PCDHGA2: variants seen among roughly 807,000 people sequenced by gnomAD.
The protein encoded by PCDHGA2 is protocadherin gamma-A2.
PCDHGA2 carries 40 observed loss-of-function variants against 59.2 expected under a neutral mutation model. The ratio of observed to expected loss-of-function variants is 0.68; its 90% CI spans 0.52 to 0.88. The LOEUF (loss-of-function observed/expected upper bound fraction) is 0.88, where lower values mean the gene tolerates loss of function less well. PCDHGA2 is among the 40% of genes least tolerant of loss of function. The pLI, the probability that PCDHGA2 is intolerant of heterozygous loss-of-function variation, is 0.00. For missense variants in PCDHGA2, 1,226 were observed against 1,204.0 expected (o/e 1.02, Z -0.27); for synonymous variants, 560 against 526.0 (o/e 1.06, Z -0.89).
chr5:141,500,894 C>G (rs1221911920), intron 2 of PCDHGA2, among the ~76,000 whole-genome samples: 1 of 150,982 alleles, frequency 6.6e-6, no homozygotes, highest in African/African-American at 2.4e-5. Flanking sequence ...TTTTTTGAGA[C>G]AGTCTCGCTC....
chr5:141,477,890 C>T lies in PCDHGA2; in HGVS notation c.2425-16917C>T, dbSNP rs202114426. ...TACCTCAGCTGGCCACCTAGTGTCA[C>T]GGGTGGTAGGCTGGGACGCGGATGC... is the stretch of plus-strand genomic sequence containing the variant. On this transcript the variant is annotated intron_variant, in intron 1 of 3. Coordinates refer to ENST00000394576, the MANE Select transcript of PCDHGA2 (RefSeq NM_018915.4). This position sits in a 1 kb window ranked among gnomAD's most constrained non-coding sequence, Gnocchi z 4.9. 9.9e-6 allele frequency: 16 copies of T among 1,614,086 alleles called. No individual in the cohort carries two copies. Among genetic ancestry groups the T allele is most frequent in the Admixed American group, 1.7e-5 (1 of 60,006 alleles).
chr5:141,475,862 T>G, intron 1 of PCDHGA2: 1 of 492,756 alleles, frequency 2.0e-6, no homozygotes, highest in Non-Finnish European at 3.6e-6. Context: ...GCTAGCTCAT[T>G]CTTCGTGCAG....
rs761668802 is a variant in PCDHGA2, at chr5:141,362,348, G to C, written c.2424+20953G>C. ...GGTCTCAGCTCCAAGCCTGGACCTG[G>C]GGTTCTCCCCAATTACAGTGAGGGT... On this transcript the variant is annotated intron_variant, in intron 1 of 3. Transcript: ENST00000394576. 12 of 1,613,904 alleles carry C rather than the reference G, an allele frequency of 7.4e-6. No homozygotes were observed. The highest frequency in any genetic ancestry group is 1.3e-5 in the African/African-American group (1 of 74,934).
chr5:141,510,280 A>G (rs1218058358), intron 3 of PCDHGA2, among the ~76,000 whole-genome samples: 1 of 151,892 alleles, frequency 6.6e-6, no homozygotes, highest in Non-Finnish European at 1.5e-5. Context: ...CTTAAAAAAA[A>G]AAAAAAAAAA....
chr5:141,364,239 T>G (rs1763233017), intron 1 of PCDHGA2: 2 of 1,440,110 alleles, frequency 1.4e-6, no homozygotes, highest in African/African-American at 2.9e-5. Context: ...CACGCCCATT[T>G]TCGTCAGGGA....
At chr5:141,389,449 A>C in intron 1 of PCDHGA2, 2 of 1,610,538 alleles carry the variant, frequency 1.2e-6, no homozygotes, top group Non-Finnish European at 1.7e-6. Context: ...GACCACGAGC[A>C]GCTGCGCGCC....
At chr5:141,460,043 A>G (rs527752346) in intron 1 of PCDHGA2, among the ~76,000 whole-genome samples, 1 of 152,276 alleles carries the variant, frequency 6.6e-6, no homozygotes, top group South Asian at 2.1e-4. Context: ...GCACCACTGC[A>G]CTCCAGCCTG....
chr5:141,370,283 A>G (rs1275076013), intron 1 of PCDHGA2: 2 of 944,824 alleles, frequency 2.1e-6, no homozygotes, highest in Non-Finnish European at 3.1e-6. Flanking sequence ...CACCCATTAG[A>G]GAACCCAAGC....
At chr5:141,415,504 C>A in intron 1 of PCDHGA2, 2 of 1,614,216 alleles carry the variant, frequency 1.2e-6, no homozygotes, top group Non-Finnish European at 1.7e-6. Context: ...CTTCCCCCAG[C>A]CCAATTATGC....
At chr5:141,428,010 G>A in intron 1 of PCDHGA2, 1 of 1,603,006 alleles carries the variant, frequency 6.2e-7, no homozygotes, top group Non-Finnish European at 8.5e-7. Flanking sequence ...CTTCGATATA[G>A]TGCCACGCGC....
intron 1 of PCDHGA2, chr5:141,419,537 C>G (rs368875631): frequency 1.2e-6 from 2 of 1,612,040 alleles, no homozygotes; most frequent in Non-Finnish European, 1.7e-6. Flanking sequence ...CGACAACGCA[C>G]CGCGGGTGCT....
chr5:141,486,287 A>G lies in PCDHGA2; in HGVS notation c.2425-8520A>G, dbSNP rs1484787777. Reference sequence around the variant, plus strand: ...AGAACCTGGCACTGTGGTGGCACTTATCAGTGTGCAGGATCCAGACTCAGG... The same window carrying G: ...AGAACCTGGCACTGTGGTGGCACTTGTCAGTGTGCAGGATCCAGACTCAGG... On this transcript the variant is annotated intron_variant, in intron 1 of 3. Transcript: ENST00000394576. The surrounding 1 kb of genome is among the most constrained non-coding windows in gnomAD (Gnocchi z 5.0). 1 of 1,613,912 alleles carries G rather than the reference A, an allele frequency of 6.2e-7. No homozygotes were observed. The highest frequency in any genetic ancestry group is 8.5e-7 in the Non-Finnish European group (1 of 1,179,970).
intron 1 of PCDHGA2, chr5:141,414,687 T>G: frequency 1.2e-6 from 2 of 1,614,004 alleles, no homozygotes; most frequent in East Asian, 4.5e-5. Flanking sequence ...AGGGGGTACC[T>G]CTGTCCTCAT....
intron 1 of PCDHGA2, chr5:141,389,608 T>C (rs1458951980): frequency 1.9e-6 from 3 of 1,613,138 alleles, no homozygotes; most frequent in East Asian, 2.2e-5. Context: ...CTCTTCGATA[T>C]GGTGCCGCAC....
rs2093964070 is a variant in PCDHGA2, at chr5:141,400,115, G to A, written c.2424+58720G>A. On this transcript the variant is annotated intron_variant, in intron 1 of 3. Coordinates refer to ENST00000394576, the MANE Select transcript of PCDHGA2 (RefSeq NM_018915.4). ...ACGCTGCACTTGGTCTTTGCTGACA[G>A]CTTGCAGGAGGTGCTGCCGGATATC... The A allele has an allele frequency of 1.9e-6, 3 of 1,613,966 alleles. No individual in the cohort carries two copies. The African/African-American group carries it at 4.0e-5, about 22-fold the overall frequency.
intron 1 of PCDHGA2, among the ~76,000 whole-genome samples, chr5:141,363,621 C>G (rs1384917674): frequency 1.3e-5 from 2 of 152,216 alleles, no homozygotes; most frequent in African/African-American, 4.8e-5. Context: ...AGTGGAGAGA[C>G]TTTCTCAAAG....
At chr5:141,352,480 C>A (rs973074211) in intron 1 of PCDHGA2, 3 of 1,614,012 alleles carry the variant, frequency 1.9e-6, no homozygotes, top group Non-Finnish European at 2.5e-6. Context: ...CCAACCACAG[C>A]GAGGGGACTT....
At position 141,477,626 on chromosome 5, in the gene PCDHGA2, G is replaced by A. The variant is rs201987467; in HGVS notation, c.2425-17181G>A. The A allele has an allele frequency of 1.9e-5, 31 of 1,614,052 alleles. No individual in the cohort carries two copies. The highest frequency in any genetic ancestry group is 2.5e-5 in the Non-Finnish European group (30 of 1,180,044). Reference sequence around the variant, plus strand: ...TCTCTTGGAGCAAGGAGCTGAAACCGGGCTAGTGGGTCGCTATTTCACAAT... The same window carrying A: ...TCTCTTGGAGCAAGGAGCTGAAACCAGGCTAGTGGGTCGCTATTTCACAAT... On this transcript the variant is annotated intron_variant, in intron 1 of 3. Transcript: ENST00000394576. This position sits in a 1 kb window ranked among gnomAD's most constrained non-coding sequence, Gnocchi z 4.9.
Position 141,340,294 on chromosome 5 carries a change from G to C in PCDHGA2, c.1323G>C (p.Gln441His). The C allele has an allele frequency of 6.2e-7, 1 of 1,614,156 alleles. No individual in the cohort carries two copies. The highest frequency in any genetic ancestry group is 8.5e-7 in the Non-Finnish European group (1 of 1,180,036). The stretch of plus-strand genomic sequence containing the variant: ...CCACGGATGCTCACATTTTGCTCCA[G>C]GTGGCAGACATCAACGACAACGCAC... ...SLSTDAHILLQVADINDNAPA... is the reference protein window; with the variant it reads ...SLSTDAHILLHVADINDNAPA... The change falls in exon 1 of 4, where the codon CAG becomes CAC. Residue 441 changes from glutamine to histidine, a missense_variant. By Grantham distance (24) the Gln-to-His change is conservative (BLOSUM62 0). Transcript: ENST00000394576.
Sources: allele counts gnomAD v4.1 joint callset (sites outside exome capture counted in the v4.1 genomes callset), GRCh38; gene constraint gnomAD v4.1.1; non-coding constraint Gnocchi (gnomAD v3.1); transcripts MANE v1.5; gene names NCBI Gene and HGNC (gene_info 2026-07-23, HGNC 2026-07-21).